ATAD2B: variants seen among roughly 807,000 people sequenced by gnomAD.
ATAD2B encodes ATPase family AAA domain-containing protein 2B.
Under a neutral mutation model 167.6 loss-of-function variants are expected in ATAD2B, and 40 were observed. The ratio of observed to expected loss-of-function variants is 0.24; its 90% CI spans 0.19 to 0.31. ATAD2B has a LOEUF of 0.31. Ranked by LOEUF, ATAD2B falls within the 10% of genes least tolerant of loss-of-function variation. The pLI, the probability that ATAD2B is intolerant of heterozygous loss-of-function variation, is 1.00. For missense variants in ATAD2B, 1,242 were observed against 1,757.2 expected (o/e 0.71, Z 5.24); for synonymous variants, 579 against 596.5 (o/e 0.97, Z 0.43).
At chr2:23,688,423 T>C in the ATAD2B span, among the ~76,000 whole-genome samples, 1 of 152,102 alleles carries the variant, frequency 6.6e-6, no homozygotes, top group Admixed American at 6.5e-5. Flanking sequence ...ACATCTGATC[T>C]CTGAGGTGCA....
At chr2:23,732,131 T>C in the ATAD2B span, among the ~76,000 whole-genome samples, 204 of 152,318 alleles carry the variant, frequency 1.3e-3, 1 homozygote, top group African/African-American at 4.7e-3. Flanking sequence ...AGCACAGCTC[T>C]AGATCCAAGT....
At chr2:23,719,568 G>C in the ATAD2B span, among the ~76,000 whole-genome samples, 2 of 152,084 alleles carry the variant, frequency 1.3e-5, no homozygotes, top group Admixed American at 1.3e-4. Context: ...TTGCAGAGAA[G>C]TGAAAAACCT....
chr2:23,754,250 T>C lies in ATAD2B; in HGVS notation c.4264A>G (p.Arg1422Gly). 1 of 1,566,218 alleles carries C rather than the reference T, an allele frequency of 6.4e-7. No individual in the cohort carries two copies. Among genetic ancestry groups the C allele is most frequent in the East Asian group, 2.3e-5 (1 of 43,190 alleles). The change falls in exon 27 of 28, where the codon AGA (arginine) becomes GGA (glycine). Residue 1422 changes from arginine (R) to glycine (G), a missense_variant. Physicochemically the swap from Arg to Gly is moderately radical, Grantham distance 125. This residue lies in a region of ATAD2B where 282 missense variants were observed against 346.8 expected (regional missense o/e 0.81). Transcript: ENST00000238789. ...SNNLAVDQLE[R>G]LYSLLSQCIY... is the part of the protein sequence containing the mutation. ...CACTGACTAAGAAGAGAATATAATCTCTCAAGCTGATCAACTGCCAGATTG... is the reference window on the plus strand; with the variant it reads ...CACTGACTAAGAAGAGAATATAATCCCTCAAGCTGATCAACTGCCAGATTG...
At chr2:23,841,068 C>A (rs1333985013) in intron 13 of ATAD2B, among the ~76,000 whole-genome samples, 4 of 150,520 alleles carry the variant, frequency 2.7e-5, no homozygotes, top group Non-Finnish European at 5.9e-5. Flanking sequence ...AGGACAGTGA[C>A]AGGACAGGCA....
the ATAD2B span, among the ~76,000 whole-genome samples, chr2:23,706,140 C>T: frequency 6.6e-6 from 1 of 152,184 alleles, no homozygotes; most frequent in Non-Finnish European, 1.5e-5. Flanking sequence ...AGGAAGGCTG[C>T]GTGTGCCACA....
intron 21 of ATAD2B, 184 bp downstream of exon 21, chr2:23,785,843 T>C (rs1680734375): frequency 2.0e-6 from 1 of 498,400 alleles, no homozygotes; most frequent in Non-Finnish European, 3.4e-6. Context: ...TGGTCGCTAA[T>C]TTCATCCAAA....
chr2:23,891,019 G>GTTTTTTTT (rs1304538422), intron 2 of ATAD2B, among the ~76,000 whole-genome samples: 1 of 135,390 alleles, frequency 7.4e-6, no homozygotes, highest in African/African-American at 2.6e-5. Flanking sequence ...AATATACTGA[G>GTTTTTTTT]ATTTTTTTTT....
chr2:23,754,461 G>T (rs1328655796), intron 26 of ATAD2B, among the ~76,000 whole-genome samples, 154 bp from the exon 27 acceptor site: 1 of 152,104 alleles, frequency 6.6e-6, no homozygotes, highest in Non-Finnish European at 1.5e-5. Flanking sequence ...CATTCCCTTA[G>T]AATATCTTGG....
chr2:23,914,800 G>A (rs953016112), intron 1 of ATAD2B, among the ~76,000 whole-genome samples: 5 of 148,852 alleles, frequency 3.4e-5, no homozygotes, highest in Admixed American at 6.8e-5. Flanking sequence ...CCAAGATCGC[G>A]CCACTGCACT....
chr2:23,706,088 C>T, the ATAD2B span, among the ~76,000 whole-genome samples: 12 of 152,254 alleles, frequency 7.9e-5, no homozygotes, highest in East Asian at 3.9e-4. Context: ...TATTCTCTCT[C>T]GTCATTCTTG....
intron 17 of ATAD2B, 64 bp from the exon 18 acceptor site, chr2:23,810,566 C>A: frequency 7.2e-7 from 1 of 1,385,690 alleles, no homozygotes; most frequent in South Asian, 1.4e-5. Flanking sequence ...TATGAAATAT[C>A]AGGCAAAATT....
At chr2:23,798,401 G>C in intron 18 of ATAD2B, 78 bp from the exon 19 acceptor site, 1 of 1,156,178 alleles carries the variant, frequency 8.6e-7, no homozygotes. Flanking sequence ...CCAAATACAT[G>C]AAATATGTCA....
chr2:23,710,763 T>G, the ATAD2B span, among the ~76,000 whole-genome samples: 1 of 152,236 alleles, frequency 6.6e-6, no homozygotes, highest in South Asian at 2.1e-4. Flanking sequence ...TACGTTGTAT[T>G]AGGTATTATA....
In ATAD2B at chr2:23,751,041, A is replaced by G. The variant is rs1221913816; in HGVS notation, c.*1005T>C. On this transcript the variant is annotated 3_prime_UTR_variant, in exon 28 of 28. Transcript: ENST00000238789. ...GTCCTGGCTTTAAAACAAAACAACAATTTACTACATATGAAAACCATTTTT... is the reference window on the plus strand; with the variant it reads ...GTCCTGGCTTTAAAACAAAACAACAGTTTACTACATATGAAAACCATTTTT... The G allele has an allele frequency of 6.6e-6, 1 of 152,082 alleles. No individual in the cohort carries two copies. Among genetic ancestry groups the G allele is most frequent in the Non-Finnish European group, 1.5e-5 (1 of 67,990 alleles). 9.4% of individuals were successfully genotyped at this position (152,082 alleles called of 1,614,324 possible).
At chr2:23,867,663 A>G (rs1191157603) in intron 10 of ATAD2B, among the ~76,000 whole-genome samples, 172 bp downstream of exon 10, 1 of 152,226 alleles carries the variant, frequency 6.6e-6, no homozygotes, top group East Asian at 1.9e-4. Context: ...TGAAATGAAA[A>G]TATCTGACTA....
chr2:23,792,933 A>G (rs1383688536), intron 19 of ATAD2B, among the ~76,000 whole-genome samples: 1 of 123,762 alleles, frequency 8.1e-6, no homozygotes, highest in African/African-American at 3.0e-5. Context: ...ACTGCACTCC[A>G]GCCTGGGCAA....
At chr2:23,779,987 G>T (rs922123217) in intron 22 of ATAD2B, among the ~76,000 whole-genome samples, 1 of 152,156 alleles carries the variant, frequency 6.6e-6, no homozygotes, top group Non-Finnish European at 1.5e-5. Context: ...GCTCACATGG[G>T]TAATACCAGC....
intron 12 of ATAD2B, among the ~76,000 whole-genome samples, chr2:23,861,001 A>G (rs187577382): frequency 3.3e-5 from 5 of 151,978 alleles, no homozygotes; most frequent in Non-Finnish European, 7.4e-5. Flanking sequence ...TAATTCAACT[A>G]CAAGATAGGG....
the ATAD2B span, among the ~76,000 whole-genome samples, chr2:23,725,475 A>G: frequency 6.6e-6 from 1 of 152,244 alleles, no homozygotes; most frequent in Non-Finnish European, 1.5e-5. Context: ...AACCTTGTCT[A>G]GTAGAGTTTT....
Sources: allele counts gnomAD v4.1 joint callset (sites outside exome capture counted in the v4.1 genomes callset), GRCh38; gene constraint gnomAD v4.1.1; regional missense constraint gnomAD v4.1.1; transcripts MANE v1.5; gene names NCBI Gene and HGNC (gene_info 2026-07-23, HGNC 2026-07-21).